Variants in RBFOX1 observed in about 807,000 individuals in gnomAD.
RBFOX1 encodes RNA binding fox-1 homolog 1.
Under a neutral mutation model 57.7 loss-of-function variants are expected in RBFOX1, and 8 were observed. The ratio of observed to expected loss-of-function variants is 0.14; its 90% CI spans 0.08 to 0.25. The LOEUF is 0.25. Among genes scored for constraint, RBFOX1 ranks in the 10% least tolerant of loss-of-function variants. RBFOX1 has a pLI of 1.00. For missense variants in RBFOX1, 611 were observed against 548.5 expected, an observed-to-expected ratio of 1.11 and a Z score of -1.14; for synonymous variants, 326 against 222.4, an observed-to-expected ratio of 1.47 and a Z score of -4.15.
At chr16:6,868,484 T>A (rs1352455750) in intron 3 of RBFOX1, among the ~76,000 whole-genome samples, 3 of 151,842 alleles carry the variant, frequency 2.0e-5, no homozygotes, top group Non-Finnish European at 4.4e-5. Flanking sequence ...GGTTTATGAT[T>A]TTTTTTTGAG....
chr16:6,325,707 C>A lies in RBFOX1; in HGVS notation c.-64+8650C>A, dbSNP rs1480808025. The stretch of plus-strand genomic sequence containing the variant: ...TAGGCTGGTTAATACGATATGGAAA[C>A]AGGAATTTGGTTTTTCCAAATTCAG... On this transcript the variant is annotated intron_variant, in intron 2 of 15. Transcript: ENST00000550418. Among the ~76,000 whole-genome samples, 29 of 152,154 alleles carry A rather than the reference C, an allele frequency of 1.9e-4. 1 individual carries two copies. The highest frequency in any genetic ancestry group is 1.9e-3 in the Admixed American group (29 of 15,282).
chr16:7,500,723 G>A (rs1433047722), intron 4 of RBFOX1, among the ~76,000 whole-genome samples: 1 of 152,128 alleles, frequency 6.6e-6, no homozygotes, highest in Non-Finnish European at 1.5e-5. Context: ...TTGTATGTAA[G>A]GCTTAAAACG....
At chr16:7,242,274 TGTAAATGTC>T (rs1479298018) in intron 4 of RBFOX1, among the ~76,000 whole-genome samples, 1 of 152,168 alleles carries the variant, frequency 6.6e-6, no homozygotes, top group Non-Finnish European at 1.5e-5. Flanking sequence ...CAGGGTTGCA[TGTAAATGTC>T]TGAATAAAAC....
intron 2 of RBFOX1, among the ~76,000 whole-genome samples, chr16:6,543,276 C>G (rs539037082): frequency 1.3e-5 from 2 of 152,182 alleles, no homozygotes; most frequent in East Asian, 3.9e-4. Flanking sequence ...AGCTCAGCAA[C>G]TCTGGGAATT....
intron 14 of RBFOX1, among the ~76,000 whole-genome samples, chr16:7,678,825 T>C (rs1447425216): frequency 6.6e-6 from 1 of 152,214 alleles, no homozygotes; most frequent in Non-Finnish European, 1.5e-5. Flanking sequence ...ATTATTCAGA[T>C]TTCTCATTGG....
At position 7,297,503 on chromosome 16, in the gene RBFOX1, G is replaced by A. The variant is rs562941646; in HGVS notation, c.28-220644G>A. ...AGAGATTCTGGGTTACTGAAATCCT[G>A]TATGGATGCTAAGGTGCTATGTAGC... On this transcript the variant is annotated intron_variant, in intron 4 of 15. Coordinates refer to ENST00000550418, the MANE Select transcript of RBFOX1 (RefSeq NM_018723.4). Among the ~76,000 whole-genome samples the A allele has an allele frequency of 2.6e-5, 4 of 152,292 alleles. No individual in the cohort carries two copies. In the South Asian group the frequency reaches 8.3e-4, roughly 32 times the overall value.
chr16:6,696,016 C>T (rs530432398), intron 3 of RBFOX1, among the ~76,000 whole-genome samples: 2 of 152,250 alleles, frequency 1.3e-5, no homozygotes, highest in East Asian at 3.9e-4. Context: ...ACAGCGTATC[C>T]ACTTAAACTG....
chr16:7,080,961 A>AAC (rs1320314713), intron 4 of RBFOX1, among the ~76,000 whole-genome samples: 1 of 152,162 alleles, frequency 6.6e-6, no homozygotes, highest in African/African-American at 2.4e-5. Context: ...TAGTAACTAA[A>AAC]GCTCTGCATG....
chr16:5,823,204 G>A (rs150805730), intron 3 of RBFOX1, among the ~76,000 whole-genome samples: 30 of 152,286 alleles, frequency 2.0e-4, no homozygotes, highest in African/African-American at 7.2e-4. Flanking sequence ...GCAGTGAGTG[G>A]ATGAACACCC....
intron 2 of RBFOX1, among the ~76,000 whole-genome samples, chr16:6,359,138 G>A (rs1250018559): frequency 6.6e-6 from 1 of 152,132 alleles, no homozygotes; most frequent in Non-Finnish European, 1.5e-5. Flanking sequence ...TGTCACCCAG[G>A]CTGGAGTGCA....
At chr16:7,193,770 A>T (rs573985751) in intron 4 of RBFOX1, among the ~76,000 whole-genome samples, 1 of 152,342 alleles carries the variant, frequency 6.6e-6, no homozygotes, top group Admixed American at 6.5e-5. Flanking sequence ...TCAGAATATT[A>T]GTACTAGACT....
At chr16:6,665,256 T>A (rs1398057327) in intron 3 of RBFOX1, among the ~76,000 whole-genome samples, 1 of 152,086 alleles carries the variant, frequency 6.6e-6, no homozygotes, top group Non-Finnish European at 1.5e-5. Context: ...CCCTCTTGTT[T>A]GTCTTCCCTC....
At chr16:6,680,458 T>A (rs1418631495) in intron 3 of RBFOX1, among the ~76,000 whole-genome samples, 1 of 151,864 alleles carries the variant, frequency 6.6e-6, no homozygotes, top group Non-Finnish European at 1.5e-5. Flanking sequence ...AGAGACGAGG[T>A]TTCACCATGT....
At chr16:7,203,834 C>T (rs568906148) in intron 4 of RBFOX1, among the ~76,000 whole-genome samples, 41 of 152,326 alleles carry the variant, frequency 2.7e-4, no homozygotes, top group South Asian at 4.1e-4. Context: ...TTACCGGCCA[C>T]GGATTTAACC....
intron 2 of RBFOX1, among the ~76,000 whole-genome samples, chr16:6,583,290 G>C (rs2097563029): frequency 6.6e-6 from 1 of 152,172 alleles, no homozygotes; most frequent in African/African-American, 2.4e-5. Context: ...TTCAGGACCA[G>C]GAACTACCTT....
rs183515509 is a variant in RBFOX1, at chr16:5,736,557, G to A, written c.319-130746G>A. 9.9e-5 allele frequency among the ~76,000 whole-genome samples: 15 copies of A among 152,258 alleles called. No individual in the cohort carries two copies. In the East Asian group the frequency reaches 2.7e-3, roughly 28 times the overall value. On this transcript the variant is annotated intron_variant, in intron 3 of 19. Transcript: ENST00000641259. The stretch of plus-strand genomic sequence containing the variant: ...GGATGCCTGGGCCGAGTGGGGCCCG[G>A]ATCGGGGTCATTTGAAAGCCCTGTG...
At chr16:7,011,540 G>A (rs2093653452) in intron 3 of RBFOX1, among the ~76,000 whole-genome samples, 1 of 152,184 alleles carries the variant, frequency 6.6e-6, no homozygotes, top group Non-Finnish European at 1.5e-5. Context: ...TTGAGACGAA[G>A]TCTTGCTTTG....
At chr16:7,276,704 T>C (rs2095447074) in intron 4 of RBFOX1, among the ~76,000 whole-genome samples, 1 of 152,218 alleles carries the variant, frequency 6.6e-6, no homozygotes, top group South Asian at 2.1e-4. Flanking sequence ...AGTTATGTAA[T>C]GATTTGATCG....
At chr16:6,727,086 A>T (rs530139700) in intron 3 of RBFOX1, among the ~76,000 whole-genome samples, 1 of 17,450 alleles carries the variant, frequency 5.7e-5, no homozygotes, top group Admixed American at 7.4e-4. Flanking sequence ...GAGACACACA[A>T]AACACACACA....
Sources: gnomAD v4.1 joint callset for allele counts (sites outside exome capture counted in the v4.1 genomes callset) on GRCh38, gnomAD v4.1.1 for gene constraint, MANE v1.5 for transcripts, NCBI Gene and HGNC (gene_info 2026-07-23, HGNC 2026-07-21) for gene names.